MAP4K3: variants seen among roughly 807,000 people sequenced by gnomAD.
MAP4K3 encodes the protein MAPK/ERK kinase kinase kinase 3.
A neutral mutation model predicts 143.5 loss-of-function variants in MAP4K3; 94 were observed. The observed-to-expected ratio is 0.65, with a 90% confidence interval of 0.55 to 0.78. The LOEUF is 0.78. Ranked by LOEUF, MAP4K3 falls within the 30% of genes least tolerant of loss-of-function variation. The pLI is 0.00. For missense variants in MAP4K3, 1,077 were observed against 1,068.1 expected, an observed-to-expected ratio of 1.01 and a Z score of -0.12; for synonymous variants, 416 against 347.2, an observed-to-expected ratio of 1.20 and a Z score of -2.20.
intron 7 of MAP4K3, among the ~76,000 whole-genome samples, 178 bp from the exon 8 acceptor site, chr2:39,332,167 A>G (rs906302744): frequency 6.6e-6 from 1 of 152,104 alleles, no homozygotes; most frequent in African/African-American, 2.4e-5. Flanking sequence ...AAATATCACA[A>G]AGTAGTGAAT....
intron 24 of MAP4K3, among the ~76,000 whole-genome samples, chr2:39,273,025 G>A (rs969161759): frequency 1.8e-4 from 27 of 151,886 alleles, no homozygotes; most frequent in African/African-American, 6.5e-4. Context: ...AAAAGGCTGA[G>A]ATAGAAGATG....
Position 39,361,145 on chromosome 2 carries a change from C to T in MAP4K3, c.155-4806G>A, listed in dbSNP as rs72927128. On this transcript the variant is annotated intron_variant, in intron 2 of 33. Coordinates refer to ENST00000263881, the MANE Select transcript of MAP4K3 (RefSeq NM_003618.4). ...TCTCAGGCAAATCTGTCTGTCTCTG[C>T]CTCCCGTTTCTCTTCTGTTTCTTTC... is the stretch of plus-strand genomic sequence containing the variant. 8.9e-3 allele frequency among the ~76,000 whole-genome samples: 1,361 copies of T among 152,204 alleles called. 8 individuals carry two copies. The highest frequency in any genetic ancestry group is 0.031 in the African/African-American group (1,301 of 41,522).
intron 2 of MAP4K3, among the ~76,000 whole-genome samples, chr2:39,370,009 A>C (rs890982265): frequency 6.6e-6 from 1 of 152,240 alleles, no homozygotes; most frequent in Non-Finnish European, 1.5e-5. Flanking sequence ...AAGTTACTGG[A>C]AGGCAGGAAC....
chr2:39,346,440 T>A (rs920483173), intron 3 of MAP4K3, among the ~76,000 whole-genome samples: 4 of 152,220 alleles, frequency 2.6e-5, no homozygotes. Flanking sequence ...AAATAGTAGT[T>A]TTGATTCATT....
intron 1 of MAP4K3, among the ~76,000 whole-genome samples, chr2:39,401,525 C>T (rs767742991): frequency 2.8e-4 from 42 of 152,136 alleles, no homozygotes; most frequent in Non-Finnish European, 4.4e-4. Flanking sequence ...CAAGGCCAGG[C>T]GCTGTGGTTC....
At chr2:39,409,725 AAC>A (rs1667187574) in intron 1 of MAP4K3, among the ~76,000 whole-genome samples, 1 of 152,252 alleles carries the variant, frequency 6.6e-6, no homozygotes, top group Non-Finnish European at 1.5e-5. Flanking sequence ...AGGTTAATTT[AAC>A]AGTGTGAACA....
At chr2:39,267,307 C>G (rs985384435) in intron 26 of MAP4K3, 60 bp from the exon 27 acceptor site, 3 of 1,293,152 alleles carry the variant, frequency 2.3e-6, no homozygotes, top group Non-Finnish European at 3.4e-6. Flanking sequence ...TATGAAAAAG[C>G]TACTGTTATA....
intron 24 of MAP4K3, among the ~76,000 whole-genome samples, chr2:39,272,941 G>A (rs1025581256): frequency 6.6e-6 from 1 of 151,878 alleles, no homozygotes; most frequent in African/African-American, 2.4e-5. Flanking sequence ...TGCATTCTAG[G>A]GTGTATGATA....
chr2:39,326,377 CTCTT>C, intron 8 of MAP4K3, 100 bp from the exon 9 acceptor site: 2 of 1,301,488 alleles, frequency 1.5e-6, no homozygotes, highest in Non-Finnish European at 2.1e-6. Context: ...AAATTAAGGC[CTCTT>C]TAGGCCTTGG....
intron 1 of MAP4K3, among the ~76,000 whole-genome samples, chr2:39,384,754 G>A (rs1666449899): frequency 6.6e-6 from 1 of 152,128 alleles, no homozygotes; most frequent in South Asian, 2.1e-4. Context: ...TTAAAATTTG[G>A]AGTTTTTAAT....
intron 2 of MAP4K3, among the ~76,000 whole-genome samples, chr2:39,362,566 G>A (rs952015968): frequency 3.3e-5 from 5 of 152,160 alleles, no homozygotes; most frequent in African/African-American, 9.7e-5. Flanking sequence ...AAAAATAAAT[G>A]TAAAGACATG....
chr2:39,296,728 T>C (rs1682298168), intron 16 of MAP4K3, among the ~76,000 whole-genome samples: 1 of 152,220 alleles, frequency 6.6e-6, no homozygotes, highest in South Asian at 2.1e-4. Flanking sequence ...TTCTCTAAAA[T>C]TAAACAGCAG....
At chr2:39,283,310 A>G (rs1192662200) in intron 21 of MAP4K3, among the ~76,000 whole-genome samples, 1 of 152,176 alleles carries the variant, frequency 6.6e-6, no homozygotes, top group East Asian at 1.9e-4. Flanking sequence ...TCTCACAGCA[A>G]TATCACCAAG....
At chr2:39,262,559 C>T (rs6745059) in intron 28 of MAP4K3, among the ~76,000 whole-genome samples, 11,800 of 152,008 alleles carry the variant, frequency 0.078, 1,553 homozygotes, top group African/African-American at 0.27. Flanking sequence ...AGAAACAACG[C>T]TTTAAAAAAA....
At chr2:39,268,360 G>T (rs563325312) in intron 26 of MAP4K3, among the ~76,000 whole-genome samples, 1 of 151,850 alleles carries the variant, frequency 6.6e-6, no homozygotes, top group African/African-American at 2.4e-5. Context: ...TCGCTCTGTC[G>T]CCCAGGCTGG....
At chr2:39,275,116 T>C (rs1365305978) in intron 24 of MAP4K3, among the ~76,000 whole-genome samples, 3 of 152,192 alleles carry the variant, frequency 2.0e-5, no homozygotes, top group African/African-American at 7.2e-5. Context: ...ACTCTAGTAA[T>C]GTAATTCAAA....
chr2:39,411,189 C>G (rs1179195312), intron 1 of MAP4K3, among the ~76,000 whole-genome samples: 1 of 152,134 alleles, frequency 6.6e-6, no homozygotes, highest in Non-Finnish European at 1.5e-5. Flanking sequence ...TTCTTCTTGG[C>G]GTCTATTTTT....
chr2:39,318,305 G>T (rs1234555861), intron 12 of MAP4K3, among the ~76,000 whole-genome samples: 2 of 152,014 alleles, frequency 1.3e-5, no homozygotes, highest in Non-Finnish European at 2.9e-5. Flanking sequence ...TATGACCTGG[G>T]TGACAAAAGA....
rs543527672 is a variant in MAP4K3 at position 39,398,946 on chromosome 2, AG to A, written c.97-20824del. 1.0e-4 allele frequency among the ~76,000 whole-genome samples: 15 copies of A among 149,750 alleles called. No homozygotes were observed. In the South Asian group the frequency reaches 3.3e-3, roughly 33 times the overall value. The stretch of plus-strand genomic sequence containing the variant: ...ATAGCTCCAGCTACTCGGGAGGCTG[AG>A]GCAGGAGAATCGCTTGAACCCAGGA... On this transcript the variant is annotated intron_variant, in intron 1 of 33. Coordinates refer to ENST00000263881, the MANE Select transcript of MAP4K3 (RefSeq NM_003618.4).
Sources: allele counts gnomAD v4.1 joint callset (sites outside exome capture counted in the v4.1 genomes callset), GRCh38; gene constraint gnomAD v4.1.1; transcripts MANE v1.5; gene names NCBI Gene and HGNC (gene_info 2026-07-23, HGNC 2026-07-21).